IST1: variants seen among roughly 807,000 people sequenced by gnomAD.
IST1 encodes the protein IST1 factor associated with ESCRT-III.
Under a neutral mutation model 37.0 loss-of-function variants are expected in IST1, and 23 were observed. That is an observed-to-expected ratio of 0.62 (90% CI 0.45 to 0.88). IST1 has a LOEUF of 0.88. Ranked by LOEUF, IST1 falls within the 40% of genes least tolerant of loss-of-function variation. The probability of loss-of-function intolerance (pLI) is 0.00; values close to 1 mark genes in which losing one functional copy is unlikely to be tolerated. For synonymous variants in IST1, 180 were observed against 161.7 expected (o/e 1.11, Z -0.86); for missense variants, 488 against 445.4 (o/e 1.10, Z -0.86).
At position 71,924,794 on chromosome 16, in the gene IST1, A is replaced by G. The variant is rs200587078; in HGVS notation, c.878A>G (p.Asn293Ser). The change falls in exon 9 of 10, where the codon AAT (asparagine) becomes AGT (serine). Residue 293 changes from asparagine (N) to serine (S), a missense_variant. Physicochemically the swap from Asn to Ser is conservative, Grantham distance 46. Coordinates refer to ENST00000378799, the MANE Select transcript of IST1 (RefSeq NM_001270975.2). ...GTAGATGACATTAATGCTGATAAGA[A>G]TATCTCTTCTGCACAGATTGTTGGT... ...ESVDDINADK[N>S]ISSAQIVGPG... 1.6e-5 allele frequency: 25 copies of G among 1,610,484 alleles called. No individual in the cohort carries two copies. The African/African-American group carries it at 1.6e-4, about 10-fold the overall frequency.
intron 9 of IST1, 128 bp from the exon 10 acceptor site, chr16:71,927,486 C>CAAAAA: frequency 6.7e-6 from 4 of 600,130 alleles, no homozygotes; most frequent in East Asian, 3.1e-5. Flanking sequence ...GAGACTGTCT[C>CAAAAA]AAAAAAAAAA....
At chr16:71,915,565 G>T (rs534436792) in intron 1 of IST1, 61 bp from the exon 2 acceptor site, 16 of 1,059,204 alleles carry the variant, frequency 1.5e-5, no homozygotes, top group Middle Eastern at 3.1e-4. Context: ...ACCCCTAAGA[G>T]GTGTTAGTTC....
At chr16:71,900,648 G>T (rs537749068) in intron 1 of IST1, among the ~76,000 whole-genome samples, 16 of 137,216 alleles carry the variant, frequency 1.2e-4, no homozygotes, top group Non-Finnish European at 2.3e-4. Context: ...AAAAATAATG[G>T]TGTTACACTA....
intron 8 of IST1, chr16:71,924,156 A>G (rs1171026061): frequency 4.4e-6 from 2 of 455,930 alleles, no homozygotes; most frequent in Middle Eastern, 3.2e-4. Flanking sequence ...CACATAACCC[A>G]CAGCCGTTGG....
intron 1 of IST1, among the ~76,000 whole-genome samples, chr16:71,910,491 A>C (rs2037328043): frequency 6.6e-6 from 1 of 151,932 alleles, no homozygotes; most frequent in Non-Finnish European, 1.5e-5. Flanking sequence ...CCGTAGTCCC[A>C]GCTACTCGGG....
At position 71,927,809 on chromosome 16, in the gene IST1, C is replaced by CATAG; in HGVS notation, c.1098_1101dup. The CATAG allele has an allele frequency of 3.1e-6, 5 of 1,612,666 alleles. No individual in the cohort carries two copies. The highest frequency in any genetic ancestry group is 4.2e-6 in the Non-Finnish European group (5 of 1,178,930). On this transcript the variant is annotated stop_gained and frameshift_variant, in exon 10 of 10. Coordinates refer to ENST00000378799, the MANE Select transcript of IST1 (RefSeq NM_001270975.2). LOFTEE classifies it high-confidence loss of function. Reference sequence around the variant, plus strand: ...AGGTTTGAAGAGCTGAAAAAGAAAACATAGGTCTCTTAAACCAGGCAACTT... The same window carrying CATAG: ...AGGTTTGAAGAGCTGAAAAAGAAAACATAGATAGGTCTCTTAAACCAGGCAACTT...
chr16:71,924,039 C>A (rs1018174952), intron 8 of IST1: 4 of 444,852 alleles, frequency 9.0e-6, no homozygotes, highest in Admixed American at 7.6e-5. Context: ...CTAGGAAGAT[C>A]TTCCTGTTCC....
chr16:71,912,884 T>C (rs1054355793), intron 1 of IST1, among the ~76,000 whole-genome samples: 2 of 152,208 alleles, frequency 1.3e-5, no homozygotes, highest in Non-Finnish European at 2.9e-5. Context: ...TCACTTACCA[T>C]GATGTCCTCA....
chr16:71,925,505 A>C (rs1167803032), intron 9 of IST1, among the ~76,000 whole-genome samples: 1 of 148,136 alleles, frequency 6.8e-6, no homozygotes, highest in Non-Finnish European at 1.5e-5. Context: ...TAGTAGAGAC[A>C]GGGTTTCACC....
chr16:71,924,286 G>C (rs968013016), intron 8 of IST1: 1 of 419,502 alleles, frequency 2.4e-6, no homozygotes, highest in African/African-American at 2.1e-5. Context: ...AGTATGGTAA[G>C]GATTTTTTTT....
rs571718913 is a variant in IST1 at position 71,930,979 on chromosome 16, A to C, written c.*3166A>C. 2 of 152,332 alleles carry C rather than the reference A, an allele frequency of 1.3e-5. No individual in the cohort carries two copies. The highest frequency in any genetic ancestry group is 4.8e-5 in the African/African-American group (2 of 41,574). 9.4% of individuals were successfully genotyped at this position (152,332 alleles called of 1,614,324 possible). On this transcript the variant is annotated 3_prime_UTR_variant, in exon 10 of 10. Coordinates refer to ENST00000378799, the MANE Select transcript of IST1 (RefSeq NM_001270975.2). ...TACCTACTTAAAAATGATTATTATA[A>C]CAATTTCAGGTCAACCAGATAATGT...
At chr16:71,913,788 A>G (rs1013633225) in intron 1 of IST1, among the ~76,000 whole-genome samples, 4 of 152,110 alleles carry the variant, frequency 2.6e-5, no homozygotes, top group African/African-American at 9.7e-5. Flanking sequence ...GACATAAGCC[A>G]CCACACTCAC....
At chr16:71,921,212 A>C in intron 5 of IST1, 131 bp from the exon 6 acceptor site, 1 of 640,342 alleles carries the variant, frequency 1.6e-6, no homozygotes, top group Non-Finnish European at 2.8e-6. Flanking sequence ...GAAAAAAATC[A>C]TTTAACTGCT....
intron 1 of IST1, among the ~76,000 whole-genome samples, chr16:71,899,372 G>C (rs2037050735): frequency 6.7e-6 from 1 of 150,050 alleles, no homozygotes; most frequent in Admixed American, 6.6e-5. Context: ...GAGCCCAAGA[G>C]TTGGGAGACC....
At position 71,928,868 on chromosome 16, in the gene IST1, C is replaced by T. The variant is rs1399718085; in HGVS notation, c.*1055C>T. On this transcript the variant is annotated 3_prime_UTR_variant, in exon 10 of 10. Coordinates refer to ENST00000378799, the MANE Select transcript of IST1 (RefSeq NM_001270975.2). ...AGGTCATCCTTCCCCACAGGGGTGG[C>T]TTTGGGATTGGATGATACAGCTTTT... 6.6e-6 allele frequency: 1 copy of T among 152,236 alleles called. No individual in the cohort carries two copies. Among genetic ancestry groups the T allele is most frequent in the Non-Finnish European group, 1.5e-5 (1 of 68,062 alleles). 9.4% of individuals were successfully genotyped at this position (152,236 alleles called of 1,614,324 possible).
intron 6 of IST1, chr16:71,921,815 A>G: frequency 4.6e-6 from 1 of 216,996 alleles, no homozygotes; most frequent in Admixed American, 5.2e-5. Context: ...GTGCACAGAA[A>G]GCTGAGGATA....
At chr16:71,905,079 A>G (rs946299050) in intron 1 of IST1, among the ~76,000 whole-genome samples, 2 of 151,734 alleles carry the variant, frequency 1.3e-5, no homozygotes, top group Non-Finnish European at 2.9e-5. Flanking sequence ...TGTGTCACCC[A>G]GGCTGGAGTG....
At chr16:71,908,000 A>G (rs1296935145) in intron 1 of IST1, among the ~76,000 whole-genome samples, 1 of 152,022 alleles carries the variant, frequency 6.6e-6, no homozygotes, top group African/African-American at 2.4e-5. Context: ...GCTGGAGTGC[A>G]GTGGTGTGAT....
At chr16:71,904,023 T>A (rs2037166235) in intron 1 of IST1, among the ~76,000 whole-genome samples, 1 of 152,208 alleles carries the variant, frequency 6.6e-6, no homozygotes, top group Admixed American at 6.6e-5. Context: ...CTTCACCCTT[T>A]TATGCTTATG....
Sources: gnomAD v4.1 joint callset for allele counts (sites outside exome capture counted in the v4.1 genomes callset) on GRCh38, gnomAD v4.1.1 for gene constraint, MANE v1.5 for transcripts, NCBI Gene and HGNC (gene_info 2026-07-23, HGNC 2026-07-21) for gene names.